The following TAFA5 variants were observed in gnomAD, a reference collection of about 807,000 sequenced individuals.
TAFA5 encodes the protein chemokine-like protein TAFA-5.
In TAFA5, 6 loss-of-function variants were observed where a neutral mutation model predicts 15.3. That is an observed-to-expected ratio of 0.39 (90% CI 0.21 to 0.77). TAFA5 has a LOEUF of 0.77. Among genes scored for constraint, TAFA5 ranks in the 30% least tolerant of loss-of-function variants. The pLI is 0.41. For synonymous variants in TAFA5, 103 were observed against 80.7 expected, an observed-to-expected ratio of 1.28 and a Z score of -1.48; for missense variants, 161 against 193.1, an observed-to-expected ratio of 0.83 and a Z score of 0.98.
intron 3 of TAFA5, among the ~76,000 whole-genome samples, chr22:48,709,848 A>T (rs924234260): frequency 2.0e-5 from 3 of 152,244 alleles, no homozygotes; most frequent in African/African-American, 7.2e-5. Flanking sequence ...CAGGGCCAGG[A>T]CTGGCCCAGC....
intron 1 of TAFA5, among the ~76,000 whole-genome samples, chr22:48,633,390 T>A (rs140816996): frequency 5.9e-5 from 9 of 152,246 alleles, no homozygotes; most frequent in African/African-American, 2.2e-4. Flanking sequence ...TTGTGGAATG[T>A]TCTTGAAACA....
At chr22:48,504,357 A>T (rs1337464941) in intron 1 of TAFA5, among the ~76,000 whole-genome samples, 1 of 152,124 alleles carries the variant, frequency 6.6e-6, no homozygotes, top group South Asian at 2.1e-4. Context: ...AGCCCTCCCC[A>T]TGGGGGCGCT....
intron 1 of TAFA5, among the ~76,000 whole-genome samples, chr22:48,577,119 G>A (rs1172367578): frequency 5.3e-5 from 8 of 152,252 alleles, no homozygotes; most frequent in Middle Eastern, 6.3e-3. Flanking sequence ...GGTCACCGGG[G>A]TGCGCAGGTC....
intron 1 of TAFA5, among the ~76,000 whole-genome samples, chr22:48,525,853 C>T (rs6007879): frequency 0.2 from 30,273 of 152,218 alleles, 3,169 homozygotes; most frequent in African/African-American, 0.28. Context: ...GTCGCCCCTG[C>T]AGAGGCGTGG....
rs904698041 is a variant in TAFA5, at chr22:48,584,338, A to T, written c.113-62259A>T. The stretch of plus-strand genomic sequence containing the variant: ...ACACAAAATACACCACACAGATATC[A>T]CACACACCACACACACCGTGCACCA... On this transcript the variant is annotated intron_variant, in intron 1 of 3. Coordinates refer to ENST00000402357, the MANE Select transcript of TAFA5 (RefSeq NM_001082967.3). Among the ~76,000 whole-genome samples the T allele has an allele frequency of 3.6e-4, 53 of 148,074 alleles. 1 individual carries two copies. The highest frequency in any genetic ancestry group is 3.4e-4 in the Admixed American group (5 of 14,876).
intron 2 of TAFA5, among the ~76,000 whole-genome samples, chr22:48,701,611 C>T (rs1011979063): frequency 6.6e-6 from 1 of 152,250 alleles, no homozygotes; most frequent in Non-Finnish European, 1.5e-5. Context: ...AAGGGTCGCC[C>T]AACCGTTTTT....
chr22:48,569,565 C>T (rs534294581), intron 1 of TAFA5, among the ~76,000 whole-genome samples: 1 of 152,200 alleles, frequency 6.6e-6, no homozygotes, highest in Admixed American at 6.5e-5. Flanking sequence ...CTCACCAGAG[C>T]AACCTCAGCG....
intron 2 of TAFA5, among the ~76,000 whole-genome samples, chr22:48,689,393 A>G (rs4925435): frequency 0.57 from 86,653 of 151,900 alleles, 24,922 homozygotes; most frequent in Non-Finnish European, 0.61. Context: ...CTGAGTTCTG[A>G]GAGGGATTTA....
At chr22:48,711,541 C>T (rs1929254866) in intron 3 of TAFA5, among the ~76,000 whole-genome samples, 1 of 152,054 alleles carries the variant, frequency 6.6e-6, no homozygotes, top group South Asian at 2.1e-4. Flanking sequence ...TAGTTGAGCT[C>T]TTGAACCAAA....
At chr22:48,622,931 G>A (rs887419305) in intron 1 of TAFA5, among the ~76,000 whole-genome samples, 2 of 152,230 alleles carry the variant, frequency 1.3e-5, no homozygotes, top group Admixed American at 6.5e-5. Context: ...ACTACTGGGC[G>A]GGCAGGGACC....
At chr22:48,635,599 G>T (rs1926417528) in intron 1 of TAFA5, among the ~76,000 whole-genome samples, 1 of 152,226 alleles carries the variant, frequency 6.6e-6, no homozygotes, top group African/African-American at 2.4e-5. Flanking sequence ...GGGGGGCAGA[G>T]TCCCACCAGC....
chr22:48,581,570 C>T (rs929310261), intron 1 of TAFA5, among the ~76,000 whole-genome samples: 6 of 152,214 alleles, frequency 3.9e-5, no homozygotes, highest in Non-Finnish European at 7.3e-5. Flanking sequence ...AGGCCGTGTC[C>T]GTGCTCAGTA....
At chr22:48,666,300 A>G (rs1467006700) in intron 2 of TAFA5, among the ~76,000 whole-genome samples, 3 of 152,166 alleles carry the variant, frequency 2.0e-5, no homozygotes, top group African/African-American at 7.2e-5. Flanking sequence ...CTTGTTCTAC[A>G]GTGTCTGATG....
intron 1 of TAFA5, among the ~76,000 whole-genome samples, chr22:48,632,559 A>G (rs1028601167): frequency 6.6e-6 from 1 of 151,402 alleles, no homozygotes; most frequent in Non-Finnish European, 1.5e-5. Flanking sequence ...TACTAGGGTG[A>G]AACAAGACGC....
At chr22:48,667,465 T>G (rs1487113871) in intron 2 of TAFA5, among the ~76,000 whole-genome samples, 1 of 152,176 alleles carries the variant, frequency 6.6e-6, no homozygotes, top group Non-Finnish European at 1.5e-5. Flanking sequence ...TTTGCAGTCT[T>G]ATCGGTTCTG....
chr22:48,741,371 C>T (rs576748065), intron 3 of TAFA5, among the ~76,000 whole-genome samples: 9 of 152,364 alleles, frequency 5.9e-5, no homozygotes, highest in African/African-American at 2.2e-4. Context: ...GCATGTTCCC[C>T]AGCACCTCCT....
rs1170815357 is a variant in TAFA5 at position 48,585,400 on chromosome 22, CCACACACCACATA to C, written c.113-61189_113-61177del. On this transcript the variant is annotated intron_variant, in intron 1 of 3. Coordinates refer to ENST00000402357, the MANE Select transcript of TAFA5 (RefSeq NM_001082967.3). The stretch of plus-strand genomic sequence containing the variant: ...CACCACACAGCACACACCACACACA[CCACACACCACATA>C]CACACACACAACACATCACACACAT... 2.6e-3 allele frequency among the ~76,000 whole-genome samples: 385 copies of C among 150,134 alleles called. 4 individuals are homozygous for C. Among genetic ancestry groups the C allele is most frequent in the Admixed American group, 0.018 (265 of 15,056 alleles).
At chr22:48,534,735 G>A (rs534842061) in intron 1 of TAFA5, among the ~76,000 whole-genome samples, 1 of 152,314 alleles carries the variant, frequency 6.6e-6, no homozygotes, top group Non-Finnish European at 1.5e-5. Flanking sequence ...CGGGGGGAGG[G>A]GGAGGCCCGG....
intron 2 of TAFA5, among the ~76,000 whole-genome samples, chr22:48,690,186 G>A (rs1291181348): frequency 1.3e-5 from 2 of 152,084 alleles, no homozygotes; most frequent in Non-Finnish European, 2.9e-5. Flanking sequence ...GCAAGGGGAC[G>A]GGGCTCCCAG....
Sources: gnomAD v4.1 joint callset for allele counts (sites outside exome capture counted in the v4.1 genomes callset) on GRCh38, gnomAD v4.1.1 for gene constraint, MANE v1.5 for transcripts, NCBI Gene and HGNC (gene_info 2026-07-23, HGNC 2026-07-21) for gene names.